Variants in BMP7 observed in about 807,000 individuals in gnomAD.
BMP7 encodes bone morphogenetic protein 7.
A neutral mutation model predicts 41.2 loss-of-function variants in BMP7; 12 were observed. The observed-to-expected ratio is 0.29, with a 90% CI of 0.19 to 0.47. BMP7 has a LOEUF of 0.47. Ranked by LOEUF, BMP7 falls within the 20% of genes least tolerant of loss-of-function variation. BMP7 has a pLI of 0.99. For synonymous variants in BMP7, 248 were observed against 250.0 expected (o/e 0.99, Z 0.07); for missense variants, 467 against 606.0 (o/e 0.77, Z 2.41).
chr20:57,195,650 C>T (rs1032506677), intron 3 of BMP7, among the ~76,000 whole-genome samples: 7 of 152,280 alleles, frequency 4.6e-5, no homozygotes, highest in African/African-American at 1.2e-4. Flanking sequence ...TTTCCACAGC[C>T]GCCGCAGGCG....
intron 5 of BMP7, among the ~76,000 whole-genome samples, chr20:57,173,759 C>T (rs1241050120): frequency 6.6e-6 from 1 of 152,152 alleles, no homozygotes; most frequent in African/African-American, 2.4e-5. Flanking sequence ...CGGTGTGAGG[C>T]AATCATCAGC....
chr20:57,171,983 C>T lies in BMP7; in HGVS notation c.1147-875G>A. 6.6e-6 allele frequency among the ~76,000 whole-genome samples: 1 copy of T among 152,258 alleles called. No homozygotes were observed. Among genetic ancestry groups the T allele is most frequent in the East Asian group, 1.9e-4 (1 of 5,208 alleles). ...GGACTCTCTAGAAGACAGTTGCCCC[C>T]TTTTAAACATGACCACAATCGCATC... On this transcript the variant is annotated intron_variant, in intron 6 of 6. Coordinates refer to ENST00000395863, the MANE Select transcript of BMP7 (RefSeq NM_001719.3). The surrounding 1 kb of genome is among the most constrained non-coding windows in gnomAD (Gnocchi z 4.5).
chr20:57,173,349 G>A, intron 5 of BMP7, 39 bp from the exon 6 acceptor site: 2 of 1,588,430 alleles, frequency 1.3e-6, no homozygotes, highest in African/African-American at 2.7e-5. Flanking sequence ...CATGCAGAAG[G>A]CCTGAGCCAC....
intron 4 of BMP7, 69 bp downstream of exon 4, chr20:57,183,653 C>T (rs1029868175): frequency 6.2e-7 from 1 of 1,600,170 alleles, no homozygotes; most frequent in Non-Finnish European, 8.5e-7. Flanking sequence ...AGTCAGTCTC[C>T]TGCCGGGTCC....
rs376083170 is a variant in BMP7, at chr20:57,265,853, C to T, written c.270G>A (p.Met90Ile). 8.7e-6 allele frequency: 14 copies of T among 1,607,020 alleles called. No homozygotes were observed. The highest frequency in any genetic ancestry group is 1.1e-5 in the Non-Finnish European group (13 of 1,177,218). The part of the protein sequence containing the change: ...PMFMLDLYNA[M>I]AVEEGGGPGG... Reference sequence around the variant, plus strand: ...CGGGCCCGCCGCCCTCCTCCACCGCCATGGCGTTGTACAGGTCCAGCATGA... The same window carrying T: ...CGGGCCCGCCGCCCTCCTCCACCGCTATGGCGTTGTACAGGTCCAGCATGA... Residue 90 changes from methionine to isoleucine, a missense_variant, in exon 1 of 7, where the codon ATG becomes ATA. Transcript: ENST00000395863.
rs1360883093 is a variant in BMP7 at position 57,175,942 on chromosome 20, C to A, written c.959-935G>T. 2.6e-5 allele frequency among the ~76,000 whole-genome samples: 4 copies of A among 152,330 alleles called. No homozygotes were observed. In the East Asian group the frequency reaches 5.8e-4, roughly 22 times the overall value. On this transcript the variant is annotated intron_variant, in intron 4 of 6. Transcript: ENST00000395863. ...CCTCCACCTGCAATGCCCCTCCCTGCAATCTTTGTTGTGTCTGGCTCAAGC... is the reference window on the plus strand; with the variant it reads ...CCTCCACCTGCAATGCCCCTCCCTGAAATCTTTGTTGTGTCTGGCTCAAGC...
chr20:57,180,816 G>T (rs1984063373), intron 4 of BMP7, among the ~76,000 whole-genome samples: 6 of 152,108 alleles, frequency 3.9e-5, no homozygotes, highest in Admixed American at 2.6e-4. Flanking sequence ...GGGGCCCCAG[G>T]ACACCCGCCA....
At chr20:57,189,628 C>T (rs1405332100) in intron 3 of BMP7, among the ~76,000 whole-genome samples, 1 of 152,242 alleles carries the variant, frequency 6.6e-6, no homozygotes, top group Non-Finnish European at 1.5e-5. Flanking sequence ...CGATGAAACA[C>T]ACACTGACCT....
intron 2 of BMP7, among the ~76,000 whole-genome samples, chr20:57,218,980 G>C (rs1985113964): frequency 6.7e-6 from 1 of 148,842 alleles, no homozygotes; most frequent in South Asian, 2.1e-4. Context: ...GTGATAGCTG[G>C]TGTTTGGTGG....
rs936183398 is a variant in BMP7, at chr20:57,174,548, C to A, written c.1035+383G>T. Reference sequence around the variant, plus strand: ...CCAAGCTGGGCAGATCCGTCCCTCCCGTGGGAATGGGAATGGGGTAAATGA... The same window carrying A: ...CCAAGCTGGGCAGATCCGTCCCTCCAGTGGGAATGGGAATGGGGTAAATGA... On this transcript the variant is annotated intron_variant, in intron 5 of 6. Transcript: ENST00000395863. This position sits in a 1 kb window ranked among gnomAD's most constrained non-coding sequence, Gnocchi z 4.3. Among the ~76,000 whole-genome samples, 1 of 152,100 alleles carries A rather than the reference C, an allele frequency of 6.6e-6. No homozygotes were observed. The highest frequency in any genetic ancestry group is 6.5e-5 in the Admixed American group (1 of 15,276).
chr20:57,191,023 C>G (rs559379350), intron 3 of BMP7, among the ~76,000 whole-genome samples: 1 of 152,282 alleles, frequency 6.6e-6, no homozygotes, highest in East Asian at 1.9e-4. Flanking sequence ...GCTACATGTC[C>G]CCTGGGAGGA....
Position 57,170,840 on chromosome 20 carries a change from G to A in BMP7, c.*119C>T. The A allele has an allele frequency of 1.5e-6, 2 of 1,307,072 alleles. No homozygotes were observed. The highest frequency in any genetic ancestry group is 2.1e-6 in the Non-Finnish European group (2 of 934,480). The allele number at this position is 1,307,072 out of a possible 1,614,324, so 81.0% of individuals were successfully genotyped here. A position where few individuals can be genotyped will look rare whatever the true frequency, so the allele number is the denominator to read the frequency against. On this transcript the variant is annotated 3_prime_UTR_variant, in exon 7 of 7. Transcript: ENST00000395863. The stretch of plus-strand genomic sequence containing the variant: ...TTCCTAATACTCTCACACCTTTAAA[G>A]TTGGGGATAGGGAGGGGAAGGTCTC...
At chr20:57,216,604 C>T (rs972383035) in intron 2 of BMP7, among the ~76,000 whole-genome samples, 1 of 148,648 alleles carries the variant, frequency 6.7e-6, no homozygotes, top group Admixed American at 6.6e-5. Flanking sequence ...GGGGCTGTCT[C>T]CTGAGGGTGA....
At chr20:57,246,731 G>T (rs575530651) in intron 1 of BMP7, among the ~76,000 whole-genome samples, 44 of 152,330 alleles carry the variant, frequency 2.9e-4, no homozygotes, top group African/African-American at 1.1e-3. Context: ...GCTCATGCCT[G>T]TAATCCCAGC....
At chr20:57,263,240 C>G (rs964658845) in intron 1 of BMP7, among the ~76,000 whole-genome samples, 1 of 152,320 alleles carries the variant, frequency 6.6e-6, no homozygotes, top group East Asian at 1.9e-4. Flanking sequence ...AAGTCAGGGT[C>G]CCACAAAGCC....
intron 2 of BMP7, among the ~76,000 whole-genome samples, chr20:57,226,880 G>A (rs1259751393): frequency 2.1e-5 from 3 of 144,698 alleles, no homozygotes; most frequent in Non-Finnish European, 3.0e-5. Flanking sequence ...AGGCTGGAGT[G>A]CGGTGGCACC....
chr20:57,211,887 C>T (rs1038800638), intron 2 of BMP7, among the ~76,000 whole-genome samples: 2 of 152,208 alleles, frequency 1.3e-5, no homozygotes, highest in African/African-American at 4.8e-5. Flanking sequence ...TCAGACCTCC[C>T]AAACTCTAAG....
At chr20:57,263,579 C>A (rs759383816) in intron 1 of BMP7, among the ~76,000 whole-genome samples, 33 of 152,214 alleles carry the variant, frequency 2.2e-4, no homozygotes, top group Non-Finnish European at 3.5e-4. Flanking sequence ...ATTACAAATA[C>A]CTTTTTAATG....
chr20:57,180,459 G>C (rs570776210), intron 4 of BMP7, among the ~76,000 whole-genome samples: 45 of 152,188 alleles, frequency 3.0e-4, no homozygotes, highest in African/African-American at 1.1e-3. Flanking sequence ...CAGCTCGCTC[G>C]CCACGAAATG....
Sources: gnomAD v4.1 joint callset for allele counts (sites outside exome capture counted in the v4.1 genomes callset) on GRCh38, gnomAD v4.1.1 for gene constraint, Gnocchi (gnomAD v3.1) non-coding constraint, MANE v1.5 for transcripts, NCBI Gene and HGNC (gene_info 2026-07-23, HGNC 2026-07-21) for gene names.